CIDEB: variants seen among roughly 807,000 people sequenced by gnomAD.
CIDEB encodes cell death inducing DFFA like effector b, also known as lipid transferase CIDEB.
Under a neutral mutation model 22.4 loss-of-function variants are expected in CIDEB, and 27 were observed. That is an observed-to-expected ratio of 1.21 (90% CI 0.89 to 1.66). CIDEB has a LOEUF of 1.66. Among genes scored for constraint, CIDEB ranks in the 40% most tolerant of loss-of-function variants. CIDEB has a pLI of 0.00. For missense variants in CIDEB, 289 were observed against 268.7 expected (o/e 1.08, Z -0.53); for synonymous variants, 103 against 109.5 (o/e 0.94, Z 0.37).
In CIDEB at chr14:24,306,102, C is replaced by T. The variant is rs1208707309; in HGVS notation, c.372G>A (p.Arg124=). The stretch of plus-strand genomic sequence containing the variant: ...GGGCGATGTCCTTGCTGTGCTTGGG[C>T]CTCTCCCGTCCCAGGCCATATGACA... ...GVLSYGLGRE[R]PKHSKDIARF... is the part of the protein sequence containing the mutation. The change falls in exon 4 of 5, where the codon AGG becomes AGA. Residue 124 remains arginine (R), a synonymous_variant. Coordinates refer to ENST00000554411, the MANE Select transcript of CIDEB (RefSeq NM_001393339.1). 6.2e-7 allele frequency: 1 copy of T among 1,614,030 alleles called. No homozygotes were observed.
upstream of CIDEB, chr14:24,311,163 G>A (rs368558186): frequency 1.7e-5 from 27 of 1,604,468 alleles, no homozygotes; most frequent in African/African-American, 2.4e-4. Context: ...GAGGGACCGC[G>A]TATGCCAGCT....
intron 3 of CIDEB, 56 bp downstream of exon 3, chr14:24,306,318 C>G: frequency 6.2e-7 from 1 of 1,607,188 alleles, no homozygotes; most frequent in South Asian, 1.1e-5. Context: ...AGAGAGGAAG[C>G]CCGGGAAAGC....
Position 24,306,711 on chromosome 14 carries a change from C to T in CIDEB, c.187-188G>A. 4.6e-6 allele frequency: 3 copies of T among 656,612 alleles called. No individual in the cohort carries two copies. In the East Asian group the frequency reaches 8.3e-5, roughly 18 times the overall value. 40.7% of individuals were successfully genotyped at this position (656,612 alleles called of 1,614,324 possible). A position where few individuals can be genotyped will look rare whatever the true frequency, so the allele number is the denominator to read the frequency against. On this transcript the variant is annotated intron_variant, in intron 2 of 4. Coordinates refer to ENST00000554411, the MANE Select transcript of CIDEB (RefSeq NM_001393339.1). The stretch of plus-strand genomic sequence containing the variant: ...GTTTTTGGGGGATCCTAGCTAGAGG[C>T]TGACCTTTTTCCTCTTTGCTCCTAC...
chr14:24,305,291 T>C lies in CIDEB; in HGVS notation c.*342A>G, dbSNP rs747037914. The stretch of plus-strand genomic sequence containing the variant: ...TAAAGTCAGAGAGGGCTGTCATCAG[T>C]ATGCTGGGGAGTTTAGGGACAGGAG... On this transcript the variant is annotated 3_prime_UTR_variant, in exon 5 of 5. Transcript: ENST00000554411. 1.6e-6 allele frequency: 1 copy of C among 613,702 alleles called. No homozygotes were observed. Among genetic ancestry groups the C allele is most frequent in the Admixed American group, 3.7e-5 (1 of 26,840 alleles). 38.0% of individuals were successfully genotyped at this position (613,702 alleles called of 1,614,324 possible).
chr14:24,306,197 C>T, intron 3 of CIDEB, 60 bp from the exon 4 acceptor site: 3 of 1,566,846 alleles, frequency 1.9e-6, no homozygotes, highest in South Asian at 2.3e-5. Flanking sequence ...CACTAATCTC[C>T]ATCAGCACTG....
At chr14:24,307,553 G>A (rs1413224153) in intron 1 of CIDEB, 38 bp from the exon 2 acceptor site, 2 of 1,602,770 alleles carry the variant, frequency 1.2e-6, no homozygotes, top group Admixed American at 3.4e-5. Context: ...GGGGCGAGGA[G>A]GGGCTTGGTG....
chr14:24,306,047 G>A lies in CIDEB; in HGVS notation c.427C>T (p.Pro143Ser). 4 of 1,614,136 alleles carry A rather than the reference G, an allele frequency of 2.5e-6. No individual in the cohort carries two copies. Among genetic ancestry groups the A allele is most frequent in the Non-Finnish European group, 3.4e-6 (4 of 1,180,022 alleles). Residue 143 changes from proline (P) to serine (S), a missense_variant, in exon 4 of 5, where the codon CCT becomes TCT. Transcript: ENST00000554411. Reference protein sequence around the residue: ...RFTFDVYKQNPRDLFGSLNVK... With the variant: ...RFTFDVYKQNSRDLFGSLNVK... ...TTCAGGCTGCCAAAGAGGTCTCGAG[G>A]GTTTTGCTTGTACACGTCAAAGGTG...
upstream of CIDEB, chr14:24,310,530 C>T (rs769027824): frequency 2.0e-6 from 2 of 982,962 alleles, no homozygotes; most frequent in South Asian, 2.7e-5. Context: ...TCAGGACTCC[C>T]AGGCAGAAAA....
At chr14:24,311,042 C>T (rs762169046), upstream of CIDEB, 78 of 1,578,134 alleles carry the variant, frequency 4.9e-5, no homozygotes, top group Middle Eastern at 1.7e-4. Context: ...TCACCCGCCC[C>T]TTCCTGGCGC....
chr14:24,308,039 G>T, upstream of CIDEB: 1 of 636,340 alleles, frequency 1.6e-6, no homozygotes, highest in East Asian at 2.8e-5. Flanking sequence ...TCCAAGGGGA[G>T]GGATGAGGGA....
Position 24,307,405 on chromosome 14 carries a change from A to C in CIDEB, c.152T>G (p.Leu51Arg), listed in dbSNP as rs750266825. 6.2e-7 allele frequency: 1 copy of C among 1,613,880 alleles called. No individual in the cohort carries two copies. Among genetic ancestry groups the C allele is most frequent in the Admixed American group, 1.7e-5 (1 of 60,010 alleles). ...CAGCTCCTGGCGGGTGGCAGCTGTC[A>C]GGCCTTTCCGGATGGTCCGCTTGTG... ...CDHKRTIRKG[L>R]TAATRQELLA... is the part of the protein sequence containing the mutation. Residue 51 changes from leucine to arginine, a missense_variant, in exon 2 of 5, where the codon CTG becomes CGG. By Grantham distance (102) the Leu-to-Arg change is moderately radical. Transcript: ENST00000554411.
chr14:24,306,640 C>T (rs2281472), intron 2 of CIDEB, 117 bp from the exon 3 acceptor site: 1,035,822 of 1,362,164 alleles, frequency 0.76, 395,687 homozygotes, highest in Middle Eastern at 0.85. Context: ...TTTGACTTTC[C>T]GGCACTTTGA....
At chr14:24,305,823 C>A (rs1316962698) in intron 4 of CIDEB, 58 bp from the exon 5 acceptor site, 1 of 1,600,470 alleles carries the variant, frequency 6.2e-7, no homozygotes, top group Non-Finnish European at 8.5e-7. Context: ...AGGAAGCCAT[C>A]AAGCTGGGAG....
chr14:24,309,597 CT>C (rs1199150912), upstream of CIDEB: 1 of 152,294 alleles, frequency 6.6e-6, no homozygotes, highest in Non-Finnish European at 1.5e-5. Context: ...AATGGGGCCT[CT>C]TCATGGTTGT....
At chr14:24,307,619 T>G in intron 1 of CIDEB, 104 bp from the exon 2 acceptor site, 1 of 1,404,824 alleles carries the variant, frequency 7.1e-7, no homozygotes, top group Non-Finnish European at 9.8e-7. Context: ...GGGAGAGATC[T>G]AGGTTTATCG....
At position 24,305,692 on chromosome 14, in the gene CIDEB, G is replaced by T; in HGVS notation, c.601C>A (p.Arg201Ser). The change falls in exon 5 of 5, where the codon CGT becomes AGT. Residue 201 changes from arginine (R) to serine (S), a missense_variant. Arg to Ser is a moderately radical substitution (Grantham distance 110). Coordinates refer to ENST00000554411, the MANE Select transcript of CIDEB (RefSeq NM_001393339.1). Reference sequence around the variant, plus strand: ...TGCTCAGCCCCCTCCACTGCATGACGAAGGGTGGAGGAAATTCCCAGCAAC... The same window carrying T: ...TGCTCAGCCCCCTCCACTGCATGACTAAGGGTGGAGGAAATTCCCAGCAAC... ...HMLLGISSTL[R>S]HAVEGAEQWQ... 1 of 1,614,170 alleles carries T rather than the reference G, an allele frequency of 6.2e-7. No homozygotes were observed. The highest frequency in any genetic ancestry group is 1.1e-5 in the South Asian group (1 of 91,088).
At chr14:24,310,560 T>C (rs748249148), upstream of CIDEB, 10 of 1,226,976 alleles carry the variant, frequency 8.2e-6, no homozygotes, top group Non-Finnish European at 1.1e-5. Context: ...TGCAGGGAAG[T>C]AAGGAGGAGG....
upstream of CIDEB, chr14:24,310,970 G>C (rs958060467): frequency 5.0e-6 from 8 of 1,591,144 alleles, no homozygotes; most frequent in African/African-American, 6.8e-5. Context: ...ACGTGTGCGC[G>C]CTCAGCATGT....
upstream of CIDEB, chr14:24,309,900 G>C (rs149896394): frequency 6.5e-6 from 1 of 153,578 alleles, no homozygotes; most frequent in Non-Finnish European, 1.5e-5. Flanking sequence ...AGGTGGGCTG[G>C]GAGGATTGGG....
Sources: allele counts gnomAD v4.1 joint callset, GRCh38; gene constraint gnomAD v4.1.1; transcripts MANE v1.5; gene names NCBI Gene and HGNC (gene_info 2026-07-23, HGNC 2026-07-21).